ARID1B: variants seen among roughly 807,000 people sequenced by gnomAD.
The protein encoded by ARID1B is AT-rich interactive domain-containing protein 1B.
In ARID1B, 30 loss-of-function variants were observed where a neutral mutation model predicts 212.3. The observed-to-expected ratio is 0.14, with a 90% CI of 0.11 to 0.19. The LOEUF (loss-of-function observed/expected upper bound fraction) is 0.19. Ranked by LOEUF, ARID1B falls within the 10% of genes least tolerant of loss-of-function variation. The pLI, the probability that ARID1B is intolerant of heterozygous loss-of-function variation, is 1.00. For missense variants in ARID1B, 2,891 were observed against 3,204.0 expected, an observed-to-expected ratio of 0.90 and a Z score of 2.36; for synonymous variants, 1,402 against 1,301.7, an observed-to-expected ratio of 1.08 and a Z score of -1.66.
At chr6:156,963,409 T>G (rs898435894) in intron 4 of ARID1B, among the ~76,000 whole-genome samples, 4 of 152,234 alleles carry the variant, frequency 2.6e-5, no homozygotes, top group African/African-American at 9.6e-5. Flanking sequence ...ACAGTCGTAT[T>G]CTATGTACTG....
intron 4 of ARID1B, among the ~76,000 whole-genome samples, chr6:157,059,972 T>C (rs112189967): frequency 6.6e-6 from 1 of 152,242 alleles, no homozygotes; most frequent in African/African-American, 2.4e-5. Context: ...GAATTAGTTC[T>C]TGTGGGCAGC....
chr6:156,863,233 A>T (rs1468814997), intron 2 of ARID1B, among the ~76,000 whole-genome samples: 3 of 152,164 alleles, frequency 2.0e-5, no homozygotes, highest in African/African-American at 7.2e-5. Context: ...ATAAGATGGG[A>T]CCTCAGCAGA....
At chr6:156,935,931 TAAAAG>T (rs1465574821) in intron 4 of ARID1B, 2 of 168,384 alleles carry the variant, frequency 1.2e-5, no homozygotes, top group Non-Finnish European at 2.5e-5. Flanking sequence ...AGTCAAAACT[TAAAAG>T]AAATTTGCAC....
intron 4 of ARID1B, among the ~76,000 whole-genome samples, chr6:157,037,918 C>G (rs776699641): frequency 1.3e-5 from 2 of 152,064 alleles, no homozygotes; most frequent in Non-Finnish European, 2.9e-5. Flanking sequence ...AGTCCAGGGA[C>G]AATATGGTGT....
chr6:157,181,521 C>G (rs1441240467), intron 12 of ARID1B, among the ~76,000 whole-genome samples: 1 of 152,224 alleles, frequency 6.6e-6, no homozygotes, highest in African/African-American at 2.4e-5. Context: ...AAATGTTTTA[C>G]AAATGACTGA....
At chr6:156,834,500 C>T (rs1405187069) in intron 2 of ARID1B, among the ~76,000 whole-genome samples, 1 of 152,108 alleles carries the variant, frequency 6.6e-6, no homozygotes, top group Non-Finnish European at 1.5e-5. Flanking sequence ...GTGACAATGG[C>T]ATTCTTGTGT....
chr6:157,033,175 T>A (rs1241044241), intron 4 of ARID1B, among the ~76,000 whole-genome samples: 2 of 152,218 alleles, frequency 1.3e-5, no homozygotes, highest in Non-Finnish European at 2.9e-5. Context: ...TATTCCAGTA[T>A]ATATTTTCAT....
chr6:156,813,105 TA>T lies in ARID1B; in HGVS notation c.1792-16121del, dbSNP rs1164948486. Among the ~76,000 whole-genome samples, 290 of 108,060 alleles carry T rather than the reference TA, an allele frequency of 2.7e-3. 1 individual carries two copies. The highest frequency in any genetic ancestry group is 8.0e-3 in the African/African-American group (239 of 30,042). 70.9% of individuals were successfully genotyped at this position (108,060 alleles called of 152,430 possible). A position where few individuals can be genotyped will look rare whatever the true frequency, so the allele number is the denominator to read the frequency against. The stretch of plus-strand genomic sequence containing the variant: ...ACGTATGTATATACATACATATATA[TA>T]TATTTTTTTTTTTTTTGAGACGGAG... On this transcript the variant is annotated intron_variant, in intron 1 of 19. Transcript: ENST00000636930.
intron 7 of ARID1B, among the ~76,000 whole-genome samples, chr6:157,136,233 T>C (rs1319133696): frequency 6.6e-6 from 1 of 152,164 alleles, no homozygotes; most frequent in Non-Finnish European, 1.5e-5. Context: ...CAAGCCAGGA[T>C]CCAAACCCAG....
rs570594202 is a variant in ARID1B, at chr6:157,207,114, A to G, written c.6342A>G (p.Ala2114=). 10 of 1,614,202 alleles carry G rather than the reference A, an allele frequency of 6.2e-6. No homozygotes were observed. Among genetic ancestry groups the G allele is most frequent in the Middle Eastern group, 1.6e-4 (1 of 6,062 alleles). The stretch of plus-strand genomic sequence containing the variant: ...ACGAGCATCCAGAGAGAAAGCGAGC[A>G]CCGCAGACCTATGAGAAAGAGGAGG... The part of the protein sequence containing the change: ...LHHEHPERKR[A]PQTYEKEEDE... The change falls in exon 20 of 20, where the codon GCA becomes GCG. Residue 2114 remains alanine, a synonymous_variant. Transcript: ENST00000636930. This position sits in a 1 kb window ranked among gnomAD's most constrained non-coding sequence, Gnocchi z 8.5.
intron 4 of ARID1B, among the ~76,000 whole-genome samples, chr6:157,074,215 TTTTGTTTGTTTG>T (rs200139946): frequency 6.6e-6 from 1 of 152,096 alleles, no homozygotes. Flanking sequence ...TCAGATTGTT[TTTTGTTTGTTTG>T]TTTGTTGGTT....
intron 1 of ARID1B, among the ~76,000 whole-genome samples, chr6:156,823,882 C>G (rs1441378884): frequency 1.3e-5 from 2 of 151,806 alleles, no homozygotes; most frequent in African/African-American, 4.8e-5. Context: ...AGCCTGATAA[C>G]AGAGTATCTA....
intron 2 of ARID1B, among the ~76,000 whole-genome samples, chr6:156,861,207 C>G (rs1019702224): frequency 6.6e-6 from 1 of 152,162 alleles, no homozygotes; most frequent in Non-Finnish European, 1.5e-5. Context: ...CAGGCATGTT[C>G]TTGACAGGGG....
rs906859396 is a variant in ARID1B at position 156,843,453 on chromosome 6, G to A, written c.1986+14032G>A. The stretch of plus-strand genomic sequence containing the variant: ...GTCATGGGGAAATACCAAGACAGCC[G>A]TAACTGGGGCTTTGCTCCAGAGGAC... On this transcript the variant is annotated intron_variant, in intron 2 of 19. Transcript: ENST00000636930. Among the ~76,000 whole-genome samples, 9 of 152,202 alleles carry A rather than the reference G, an allele frequency of 5.9e-5. No homozygotes were observed. In the East Asian group the frequency reaches 1.2e-3, roughly 20 times the overall value.
chr6:156,856,672 C>CCG, intron 2 of ARID1B, among the ~76,000 whole-genome samples: 1 of 108,794 alleles, frequency 9.2e-6, no homozygotes, highest in Non-Finnish European at 2.0e-5. Context: ...GCATGCATAT[C>CCG]CTCTCTCTCT....
intron 2 of ARID1B, among the ~76,000 whole-genome samples, chr6:156,844,107 A>G (rs1389383146): frequency 6.6e-6 from 1 of 152,236 alleles, no homozygotes; most frequent in Non-Finnish European, 1.5e-5. Context: ...TTCAGTTTAC[A>G]CATGGTTATG....
chr6:157,141,315 A>G (rs969573671), intron 7 of ARID1B: 1 of 152,264 alleles, frequency 6.6e-6, no homozygotes, highest in African/African-American at 2.4e-5. Flanking sequence ...TTGAAGTGAC[A>G]CTGTAAGGTA....
At chr6:157,146,558 T>C (rs981953432) in intron 7 of ARID1B, among the ~76,000 whole-genome samples, 1 of 152,224 alleles carries the variant, frequency 6.6e-6, no homozygotes, top group Non-Finnish European at 1.5e-5. Flanking sequence ...TCACATTGCA[T>C]GCTTTGTTTT....
At chr6:156,897,202 TGC>T (rs1206471100) in intron 2 of ARID1B, among the ~76,000 whole-genome samples, 78 of 74,754 alleles carry the variant, frequency 1.0e-3, no homozygotes, top group African/African-American at 3.4e-3. Flanking sequence ...CTGCTGCTGC[TGC>T]TGCTGCTGCT....
Sources: gnomAD v4.1 joint callset for allele counts (sites outside exome capture counted in the v4.1 genomes callset) on GRCh38, gnomAD v4.1.1 for gene constraint, Gnocchi (gnomAD v3.1) non-coding constraint, MANE v1.5 for transcripts, NCBI Gene and HGNC (gene_info 2026-07-23, HGNC 2026-07-21) for gene names.